GLYATL2: variants seen among roughly 807,000 people sequenced by gnomAD.
GLYATL2 encodes the protein glycine-N-acyltransferase like 2.
Under a neutral mutation model 21.4 loss-of-function variants are expected in GLYATL2, and 25 were observed. The ratio of observed to expected loss-of-function variants is 1.17; its 90% CI spans 0.85 to 1.63. GLYATL2 has a LOEUF of 1.63. Among genes scored for constraint, GLYATL2 ranks in the 40% most tolerant of loss-of-function variants. The probability of loss-of-function intolerance (pLI) is 0.00; values close to 1 mark genes in which losing one functional copy is unlikely to be tolerated. For missense variants in GLYATL2, 361 were observed against 343.3 expected, an observed-to-expected ratio of 1.05 and a Z score of -0.41; for synonymous variants, 114 against 118.2, an observed-to-expected ratio of 0.96 and a Z score of 0.23.
At chr11:58,889,052 A>G (rs1341529207) in intron 1 of GLYATL2, among the ~76,000 whole-genome samples, 1 of 151,326 alleles carries the variant, frequency 6.6e-6, no homozygotes, top group Admixed American at 6.6e-5. Context: ...TTTTTGTTCT[A>G]TGCCATCTGG....
intron 1 of GLYATL2, among the ~76,000 whole-genome samples, chr11:58,858,704 C>T (rs2034756211): frequency 6.6e-6 from 1 of 152,180 alleles, no homozygotes; most frequent in South Asian, 2.1e-4. Context: ...TGCCAGATTA[C>T]AGCAACATGA....
intron 1 of GLYATL2, among the ~76,000 whole-genome samples, chr11:58,865,502 A>G (rs1590732684): frequency 6.7e-6 from 1 of 149,246 alleles, no homozygotes; most frequent in African/African-American, 2.4e-5. Context: ...AAAATGCAGT[A>G]TTTATCACAA....
At chr11:58,909,393 A>G in the GLYATL2 span, among the ~76,000 whole-genome samples, 7 of 152,172 alleles carry the variant, frequency 4.6e-5, no homozygotes, top group Non-Finnish European at 1.0e-4. Flanking sequence ...AAGTGTTCTT[A>G]TTACAAAAGT....
upstream of GLYATL2, among the ~76,000 whole-genome samples, chr11:58,845,473 T>C (rs1853626592): frequency 1.3e-5 from 2 of 152,110 alleles, no homozygotes; most frequent in Non-Finnish European, 2.9e-5. Flanking sequence ...TGTAGTGGCA[T>C]GTGTCTATAG....
intron 1 of GLYATL2, among the ~76,000 whole-genome samples, chr11:58,852,571 A>T (rs565070119): frequency 6.6e-6 from 1 of 152,238 alleles, no homozygotes; most frequent in South Asian, 2.1e-4. Flanking sequence ...AAATTGAGAT[A>T]GAGATAGGGT....
intron 1 of GLYATL2, among the ~76,000 whole-genome samples, chr11:58,864,224 A>C (rs1853984251): frequency 6.6e-6 from 1 of 152,146 alleles, no homozygotes; most frequent in African/African-American, 2.4e-5. Flanking sequence ...TGCAGGGGCC[A>C]GCCTTGTTCT....
At chr11:58,872,116 T>A (rs1434767673) in intron 1 of GLYATL2, among the ~76,000 whole-genome samples, 2 of 152,216 alleles carry the variant, frequency 1.3e-5, no homozygotes, top group Non-Finnish European at 2.9e-5. Context: ...CTTCACCCAT[T>A]TTTTGATGGG....
chr11:58,881,324 A>G (rs1854330257), intron 1 of GLYATL2, among the ~76,000 whole-genome samples: 1 of 152,236 alleles, frequency 6.6e-6, no homozygotes. Context: ...GAACCAGCCT[A>G]AGCTTTGAAA....
intron 1 of GLYATL2, chr11:58,840,720 T>C (rs1853532621): frequency 6.6e-6 from 1 of 151,896 alleles, no homozygotes; most frequent in Non-Finnish European, 1.5e-5. Context: ...GTGTCAGTAG[T>C]CCCAGCTACT....
intron 1 of GLYATL2, among the ~76,000 whole-genome samples, chr11:58,863,729 A>T (rs1853974049): frequency 6.6e-6 from 1 of 152,074 alleles, no homozygotes. Context: ...CTAGGTCTTC[A>T]GGGCTGGCAT....
At chr11:58,891,976 T>C (rs969704280) in intron 1 of GLYATL2, among the ~76,000 whole-genome samples, 2 of 152,176 alleles carry the variant, frequency 1.3e-5, no homozygotes, top group African/African-American at 4.8e-5. Context: ...TTGTTCTTTA[T>C]CTAATAAGTA....
chr11:58,873,209 T>C (rs1159457143), intron 1 of GLYATL2, among the ~76,000 whole-genome samples: 1 of 151,636 alleles, frequency 6.6e-6, no homozygotes, highest in Non-Finnish European at 1.5e-5. Context: ...GTTTTCTAAA[T>C]ATACAATCAT....
chr11:58,900,929 C>G (rs1854727599), intron 1 of GLYATL2, among the ~76,000 whole-genome samples: 1 of 152,238 alleles, frequency 6.6e-6, no homozygotes, highest in African/African-American at 2.4e-5. Context: ...CTTTTCTTCC[C>G]TGCTTCTTTT....
At chr11:58,841,386 C>T (rs1038789799) in intron 1 of GLYATL2, among the ~76,000 whole-genome samples, 9 of 152,012 alleles carry the variant, frequency 5.9e-5, no homozygotes, top group Non-Finnish European at 1.2e-4. Flanking sequence ...GCCTCAGTTG[C>T]ATTATCTATA....
At chr11:58,883,357 T>A (rs888427225) in intron 1 of GLYATL2, among the ~76,000 whole-genome samples, 1 of 152,078 alleles carries the variant, frequency 6.6e-6, no homozygotes, top group East Asian at 1.9e-4. Context: ...AAGAATCAAA[T>A]AGATGCAATA....
At chr11:58,843,444 C>T (rs1270298687) in intron 1 of GLYATL2, among the ~76,000 whole-genome samples, 1 of 152,126 alleles carries the variant, frequency 6.6e-6, no homozygotes, top group African/African-American at 2.4e-5. Flanking sequence ...GGAAGTGTTA[C>T]TCAACAATAT....
intron 1 of GLYATL2, among the ~76,000 whole-genome samples, chr11:58,900,804 T>G (rs1854724320): frequency 6.6e-6 from 1 of 151,178 alleles, no homozygotes; most frequent in South Asian, 2.1e-4. Flanking sequence ...CTTGGGGGGG[T>G]GGTCAGCTTT....
intron 1 of GLYATL2, among the ~76,000 whole-genome samples, chr11:58,852,271 C>T (rs2134587785): frequency 6.6e-6 from 1 of 152,266 alleles, no homozygotes; most frequent in Admixed American, 6.5e-5. Context: ...ATACCCAACC[C>T]CATCTCCAGT....
intron 1 of GLYATL2, among the ~76,000 whole-genome samples, chr11:58,875,542 C>G (rs1323989594): frequency 6.6e-6 from 1 of 152,150 alleles, no homozygotes; most frequent in Non-Finnish European, 1.5e-5. Context: ...TTCTCCTTCA[C>G]TTATGAAGCT....
Sources: gnomAD v4.1 joint callset for allele counts (sites outside exome capture counted in the v4.1 genomes callset) on GRCh38, gnomAD v4.1.1 for gene constraint, MANE v1.5 for transcripts, NCBI Gene and HGNC (gene_info 2026-07-23, HGNC 2026-07-21) for gene names.